Variants in HECTD4 observed in about 807,000 individuals in gnomAD.
The protein encoded by HECTD4 is HECT domain E3 ubiquitin protein ligase 4.
HECTD4 carries 114 observed loss-of-function variants against 471.5 expected under a neutral mutation model. The observed-to-expected ratio is 0.24, with a 90% CI of 0.21 to 0.28. The LOEUF is 0.28. HECTD4 is among the 10% of genes least tolerant of loss of function. HECTD4 has a pLI of 1.00. For missense variants in HECTD4, 3,866 were observed against 5,651.5 expected, an observed-to-expected ratio of 0.68 and a Z score of 10.13; for synonymous variants, 2,012 against 2,256.0, an observed-to-expected ratio of 0.89 and a Z score of 3.07.
At chr12:112,362,994 G>A (rs1429194512) in intron 1 of HECTD4, among the ~76,000 whole-genome samples, 3 of 152,008 alleles carry the variant, frequency 2.0e-5, no homozygotes, top group Non-Finnish European at 4.4e-5. Context: ...GAGCCACTGC[G>A]CCCAGCCTCC....
In HECTD4 at chr12:112,164,145, A is replaced by G; in HGVS notation, c.12665T>C (p.Val4222Ala). Residue 4222 changes from valine to alanine, a missense_variant, in exon 73 of 76, where the codon GTG becomes GCG. By Grantham distance (64) the Val-to-Ala change is moderately conservative (BLOSUM62 0). Around this residue, in one of 16 missense-constraint regions of HECTD4, gnomAD observed 715 missense variants for 1,087.6 expected, o/e 0.66. Transcript: ENST00000682272. The stretch of plus-strand genomic sequence containing the variant: ...GTGCCGGCCCCGGCTGCACAGCTCC[A>G]CCTCCTCGCCCGTCATGGTCAGGTA... ...FTYLTMTGEE[V>A]ELCSRGRHIL... The G allele has an allele frequency of 6.2e-7, 1 of 1,611,946 alleles. No homozygotes were observed.
intron 1 of HECTD4, among the ~76,000 whole-genome samples, chr12:112,379,244 G>A (rs1045691292): frequency 3.3e-5 from 5 of 152,292 alleles, no homozygotes; most frequent in Admixed American, 1.3e-4. Context: ...CTAGGTTAAC[G>A]TGCAAGCTCT....
At chr12:112,334,637 C>CAAAAAAAAAA (rs869292531) in intron 1 of HECTD4, among the ~76,000 whole-genome samples, 49 of 45,100 alleles carry the variant, frequency 1.1e-3, no homozygotes, top group African/African-American at 1.6e-3. Flanking sequence ...ACTAAAAATA[C>CAAAAAAAAAA]AAAAAAAAAA....
rs2034924330 is a variant in HECTD4, at chr12:112,293,045, A to G, written c.1336-9743T>C. Among the ~76,000 whole-genome samples the G allele has an allele frequency of 2.0e-5, 3 of 150,696 alleles. No individual in the cohort carries two copies. The South Asian group carries it at 6.3e-4, about 32-fold the overall frequency. ...TAAAAAATAAGTAAAAAAATATTTC[A>G]TGAGGGATGTTATTGAGGGGATTCA... On this transcript the variant is annotated intron_variant, in intron 7 of 75. Transcript: ENST00000682272.
chr12:112,331,356 C>T (rs1413262469), intron 1 of HECTD4, among the ~76,000 whole-genome samples: 2 of 152,200 alleles, frequency 1.3e-5, no homozygotes, highest in African/African-American at 4.8e-5. Context: ...CAGGCATGAG[C>T]CACCACACCT....
intron 32 of HECTD4, among the ~76,000 whole-genome samples, chr12:112,242,866 G>C (rs1459400595): frequency 6.6e-6 from 1 of 152,128 alleles, no homozygotes; most frequent in Non-Finnish European, 1.5e-5. Context: ...AGCCAAGATC[G>C]TGCTGCTGCA....
At position 112,188,885 on chromosome 12, in the gene HECTD4, T is replaced by C. The variant is rs1418919782; in HGVS notation, c.9472+1901A>G. Among the ~76,000 whole-genome samples the C allele has an allele frequency of 6.6e-6, 1 of 152,246 alleles. No homozygotes were observed. The highest frequency in any genetic ancestry group is 1.5e-5 in the Non-Finnish European group (1 of 68,048). ...CCCTCAGATGCCAGAACTATTCATG[T>C]CACCTCCGTTGTCCTTGCTCTACCA... On this transcript the variant is annotated intron_variant, in intron 60 of 75. Transcript: ENST00000682272. The surrounding 1 kb of genome is among the most constrained non-coding windows in gnomAD (Gnocchi z 4.2).
intron 7 of HECTD4, chr12:112,301,993 G>T: frequency 2.2e-6 from 2 of 893,536 alleles, no homozygotes; most frequent in Non-Finnish European, 1.9e-6. Flanking sequence ...ATCTGTCATT[G>T]TCATTGGTCC....
chr12:112,231,760 C>G (rs1327036563), intron 38 of HECTD4, 45 bp from the exon 39 acceptor site: 1 of 1,496,484 alleles, frequency 6.7e-7, no homozygotes, highest in East Asian at 2.3e-5. Context: ...TTCAGTCTTC[C>G]CAGCACTATA....
At chr12:112,297,737 T>C (rs927877252) in intron 7 of HECTD4, among the ~76,000 whole-genome samples, 1 of 152,084 alleles carries the variant, frequency 6.6e-6, no homozygotes. Flanking sequence ...AAGTCTAATA[T>C]TCTGTGCACA....
rs2032054228 is a variant in HECTD4 at position 112,190,846 on chromosome 12, A to C, written c.9412T>G (p.Ser3138Ala). 1.3e-6 allele frequency: 2 copies of C among 1,584,870 alleles called. No homozygotes were observed. Among genetic ancestry groups the C allele is most frequent in the Non-Finnish European group, 1.7e-6 (2 of 1,165,604 alleles). The change falls in exon 60 of 76, where the codon TCC becomes GCC. Residue 3138 changes from serine (S) to alanine (A), a missense_variant. By Grantham distance (99) the Ser-to-Ala change is moderately conservative (BLOSUM62 1). Transcript: ENST00000682272. ...SWKSEDSEGKSEDEPDTIPTS... is the reference protein window; with the variant it reads ...SWKSEDSEGKAEDEPDTIPTS... ...GGAATGGTGTCAGGCTCATCTTCGG[A>C]CTTCCCTTCACTGTCCTCTGATTTC...
chr12:112,243,677 G>C lies in HECTD4; in HGVS notation c.4734C>G (p.Thr1578=). The change falls in exon 31 of 76, where the codon ACC becomes ACG. Residue 1578 remains threonine (T), a synonymous_variant. Coordinates refer to ENST00000682272, the MANE Select transcript of HECTD4 (RefSeq NM_001388303.1). This position sits in a 1 kb window ranked among gnomAD's most constrained non-coding sequence, Gnocchi z 6.6. ...LAIEDSRDKP[T]YSVLLGQLFA... ...ACAGCTGCCCTAGCAGGACACTGTA[G>C]GTGGGCTTGTCCCTGCTGTCCTCAA... The C allele has an allele frequency of 6.2e-7, 1 of 1,613,608 alleles. No homozygotes were observed. The highest frequency in any genetic ancestry group is 8.5e-7 in the Non-Finnish European group (1 of 1,179,656).
chr12:112,196,946 C>T (rs540258641), intron 55 of HECTD4, among the ~76,000 whole-genome samples: 35 of 152,142 alleles, frequency 2.3e-4, no homozygotes, highest in Non-Finnish European at 4.4e-4. Flanking sequence ...CAGGCGTGTG[C>T]CACCATGCCT....
intron 5 of HECTD4, 73 bp from the exon 6 acceptor site, chr12:112,308,964 C>G: frequency 7.0e-7 from 1 of 1,425,226 alleles, no homozygotes; most frequent in Non-Finnish European, 9.3e-7. Context: ...ACAACAGACA[C>G]AAACAACATT....
chr12:112,212,417 A>C, intron 49 of HECTD4, 70 bp downstream of exon 49: 1 of 1,328,068 alleles, frequency 7.5e-7, no homozygotes, highest in Middle Eastern at 2.1e-4. Flanking sequence ...GCTCCCTTTC[A>C]TTTTTCCATG....
intron 1 of HECTD4, among the ~76,000 whole-genome samples, chr12:112,335,141 G>GAGACACACAC (rs1241730632): frequency 9.0e-6 from 1 of 111,058 alleles, no homozygotes; most frequent in Non-Finnish European, 1.7e-5. Context: ...AAGAAACTGT[G>GAGACACACAC]ATACACACAC....
intron 7 of HECTD4, among the ~76,000 whole-genome samples, chr12:112,300,428 G>C (rs751750339): frequency 6.6e-6 from 1 of 151,884 alleles, no homozygotes; most frequent in East Asian, 1.9e-4. Flanking sequence ...GGTGCTTTTC[G>C]AATTGCTCAA....
chr12:112,162,789 T>A lies in HECTD4; in HGVS notation c.13120+253A>T. On this transcript the variant is annotated intron_variant, in intron 75 of 75. Transcript: ENST00000682272. This position sits in a 1 kb window ranked among gnomAD's most constrained non-coding sequence, Gnocchi z 5.2. ...GTTTCTTTTTTTTTTTTTTTAACCA[T>A]TTTTCTGCATTTAAAAGTTAGAAGA... The A allele has an allele frequency of 1.8e-6, 1 of 554,166 alleles. No individual in the cohort carries two copies. The highest frequency in any genetic ancestry group is 3.2e-6 in the Non-Finnish European group (1 of 316,950). The allele number at this position is 554,166 out of a possible 1,614,324, so 34.3% of individuals were successfully genotyped here.
At chr12:112,199,303 A>T (rs2032342625) in intron 55 of HECTD4, among the ~76,000 whole-genome samples, 1 of 152,112 alleles carries the variant, frequency 6.6e-6, no homozygotes, top group Non-Finnish European at 1.5e-5. Context: ...GTCATATGTG[A>T]CCTATTTTGG....
Sources: allele counts gnomAD v4.1 joint callset (sites outside exome capture counted in the v4.1 genomes callset), GRCh38; gene constraint gnomAD v4.1.1; regional missense constraint gnomAD v4.1.1; non-coding constraint Gnocchi (gnomAD v3.1); transcripts MANE v1.5; gene names NCBI Gene and HGNC (gene_info 2026-07-23, HGNC 2026-07-21).